HTR3B: variants seen among roughly 807,000 people sequenced by gnomAD.
The protein encoded by HTR3B is 5-hydroxytryptamine receptor 3B.
Under a neutral mutation model 42.8 loss-of-function variants are expected in HTR3B, and 44 were observed. The ratio of observed to expected loss-of-function variants is 1.03; its 90% CI spans 0.81 to 1.32. The LOEUF (loss-of-function observed/expected upper bound fraction) is 1.32. Ranked by LOEUF, HTR3B falls within the 40% of genes most tolerant of loss-of-function variation. The probability of loss-of-function intolerance (pLI) is 0.00; values close to 1 mark genes in which losing one functional copy is unlikely to be tolerated. For synonymous variants in HTR3B, 203 were observed against 209.0 expected (o/e 0.97, Z 0.25); for missense variants, 527 against 536.5 (o/e 0.98, Z 0.17).
chr11:113,914,118 C>T (rs1949828077), intron 2 of HTR3B, among the ~76,000 whole-genome samples: 1 of 151,900 alleles, frequency 6.6e-6, no homozygotes, highest in Non-Finnish European at 1.5e-5. Context: ...AGACAAAGTC[C>T]ATTTCAATGA....
Position 113,946,834 on chromosome 11 carries a change from C to A in HTR3B, c.*697C>A, listed in dbSNP as rs748237075. On this transcript the variant is annotated 3_prime_UTR_variant, in exon 9 of 9. Transcript: ENST00000260191. ...GCCCTGCCTTGGCCATTTATTCAGTCACCCATTCAACAAAACCTTTATTGA... is the reference window on the plus strand; with the variant it reads ...GCCCTGCCTTGGCCATTTATTCAGTAACCCATTCAACAAAACCTTTATTGA... 6.6e-5 allele frequency among the ~76,000 whole-genome samples: 10 copies of A among 152,210 alleles called. No homozygotes were observed. The highest frequency in any genetic ancestry group is 1.0e-4 in the Non-Finnish European group (7 of 68,032).
chr11:113,909,998 A>C (rs1473729513), intron 2 of HTR3B, among the ~76,000 whole-genome samples: 1 of 151,524 alleles, frequency 6.6e-6, no homozygotes, highest in African/African-American at 2.4e-5. Flanking sequence ...AAAAAAAAAA[A>C]AAAAAAAAAA....
Position 113,946,295 on chromosome 11 carries a change from G to C in HTR3B, c.*158G>C. 3.3e-6 allele frequency: 2 copies of C among 611,878 alleles called. No homozygotes were observed. The highest frequency in any genetic ancestry group is 1.9e-5 in the South Asian group (1 of 53,576). 37.9% of individuals were successfully genotyped at this position (611,878 alleles called of 1,614,324 possible). Reference sequence around the variant, plus strand: ...GCAGGAGGATTGCTTGAGCCCAGGAGTTCGAGACCAGCCAGAGCAACATAG... The same window carrying C: ...GCAGGAGGATTGCTTGAGCCCAGGACTTCGAGACCAGCCAGAGCAACATAG... On this transcript the variant is annotated 3_prime_UTR_variant, in exon 9 of 9. Transcript: ENST00000260191.
At chr11:113,920,414 C>T (rs1400121065) in intron 2 of HTR3B, among the ~76,000 whole-genome samples, 1 of 148,536 alleles carries the variant, frequency 6.7e-6, no homozygotes, top group Admixed American at 6.8e-5. Flanking sequence ...CTCACTCTGT[C>T]ACCCAGGATG....
chr11:113,910,896 C>T (rs1260882569), intron 2 of HTR3B, among the ~76,000 whole-genome samples: 1 of 148,840 alleles, frequency 6.7e-6, no homozygotes, highest in African/African-American at 2.5e-5. Flanking sequence ...GTGGCACAAT[C>T]TCTGCTCACT....
intron 2 of HTR3B, among the ~76,000 whole-genome samples, chr11:113,924,188 A>G (rs946402656): frequency 2.6e-5 from 4 of 152,214 alleles, no homozygotes; most frequent in African/African-American, 9.6e-5. Flanking sequence ...TATCTCAGTG[A>G]TATAAACTGC....
At chr11:113,903,245 C>A (rs1376112783), upstream of HTR3B, among the ~76,000 whole-genome samples, 1 of 152,042 alleles carries the variant, frequency 6.6e-6, no homozygotes, top group South Asian at 2.1e-4. Flanking sequence ...GGTGTTTCCT[C>A]CTGAATAGAT....
intron 2 of HTR3B, among the ~76,000 whole-genome samples, chr11:113,916,051 G>T (rs1014818167): frequency 1.3e-5 from 2 of 152,182 alleles, no homozygotes; most frequent in Non-Finnish European, 2.9e-5. Context: ...TGGCCAGGCT[G>T]GTCTCTAACT....
chr11:113,899,043 A>G, the HTR3B span, among the ~76,000 whole-genome samples: 2 of 152,316 alleles, frequency 1.3e-5, no homozygotes, highest in East Asian at 1.9e-4. Flanking sequence ...GACCAAGGCC[A>G]TGAGCATCTA....
At chr11:113,931,979 G>A (rs969230410) in intron 4 of HTR3B, 112 bp downstream of exon 4, 2 of 739,372 alleles carry the variant, frequency 2.7e-6, no homozygotes, top group Non-Finnish European at 4.9e-6. Context: ...AGTTGAAGGG[G>A]AGCATATTGT....
intron 6 of HTR3B, among the ~76,000 whole-genome samples, chr11:113,936,135 A>G (rs1008521672): frequency 1.3e-5 from 2 of 152,134 alleles, no homozygotes; most frequent in Non-Finnish European, 2.9e-5. Context: ...ATATTATTGG[A>G]GGTGCTGGTT....
At chr11:113,906,457 T>G (rs1235086672) in intron 1 of HTR3B, among the ~76,000 whole-genome samples, 1 of 152,186 alleles carries the variant, frequency 6.6e-6, no homozygotes, top group Non-Finnish European at 1.5e-5. Flanking sequence ...TGGATATTCA[T>G]GACAATCAGA....
intron 2 of HTR3B, among the ~76,000 whole-genome samples, chr11:113,928,518 TG>T (rs1949998431): frequency 6.6e-6 from 1 of 152,168 alleles, no homozygotes; most frequent in African/African-American, 2.4e-5. Flanking sequence ...TCATCCATGT[TG>T]TAACATGTGT....
chr11:113,926,782 G>A (rs935869341), intron 2 of HTR3B, among the ~76,000 whole-genome samples: 1 of 152,164 alleles, frequency 6.6e-6, no homozygotes, highest in Non-Finnish European at 1.5e-5. Context: ...GCCTGCCTCA[G>A]CCTTCCAAAG....
chr11:113,931,029 A>T (rs1453153292), intron 2 of HTR3B, among the ~76,000 whole-genome samples: 1 of 152,216 alleles, frequency 6.6e-6, no homozygotes, highest in Non-Finnish European at 1.5e-5. Flanking sequence ...TTACAAATCA[A>T]AGCTTGGTCT....
chr11:113,903,260 G>A (rs994589333), upstream of HTR3B, among the ~76,000 whole-genome samples: 3 of 152,106 alleles, frequency 2.0e-5, no homozygotes, highest in African/African-American at 7.2e-5. Flanking sequence ...ATAGATTCAA[G>A]TTATGAATTT....
chr11:113,912,890 T>C (rs180689104), intron 2 of HTR3B, among the ~76,000 whole-genome samples: 1,894 of 151,544 alleles, frequency 0.012, 22 homozygotes, highest in Non-Finnish European at 0.023. Flanking sequence ...TAAAATTGGG[T>C]CATTGGTTTT....
intron 3 of HTR3B, among the ~76,000 whole-genome samples, 155 bp downstream of exon 3, chr11:113,931,583 C>A (rs757996123): frequency 3.9e-5 from 6 of 152,032 alleles, no homozygotes; most frequent in Admixed American, 1.3e-4. Flanking sequence ...GATGTATGGC[C>A]CTGGTTTCTG....
chr11:113,901,434 C>G (rs925499996), upstream of HTR3B, among the ~76,000 whole-genome samples: 1 of 148,526 alleles, frequency 6.7e-6, no homozygotes. Flanking sequence ...GAGTGAAACT[C>G]TGCCTCTTAG....
Sources: allele counts gnomAD v4.1 joint callset (sites outside exome capture counted in the v4.1 genomes callset), GRCh38; gene constraint gnomAD v4.1.1; transcripts MANE v1.5; gene names NCBI Gene and HGNC (gene_info 2026-07-23, HGNC 2026-07-21).